GRIK2: variants seen among roughly 807,000 people sequenced by gnomAD.
The protein encoded by GRIK2 is glutamate ionotropic receptor kainate type subunit 2.
GRIK2 carries 32 observed loss-of-function variants against 100.3 expected under a neutral mutation model. The ratio of observed to expected loss-of-function variants is 0.32; its 90% CI spans 0.24 to 0.43. The LOEUF (loss-of-function observed/expected upper bound fraction) is 0.43, where lower values mean the gene tolerates loss of function less well. Ranked by LOEUF, GRIK2 falls within the 20% of genes least tolerant of loss-of-function variation. The pLI is 1.00. For synonymous variants in GRIK2, 417 were observed against 389.4 expected (o/e 1.07, Z -0.83); for missense variants, 843 against 1,114.9 (o/e 0.76, Z 3.47).
chr6:101,743,399 TCAGC>T (rs1583058377), intron 7 of GRIK2, among the ~76,000 whole-genome samples: 2 of 152,212 alleles, frequency 1.3e-5, no homozygotes, highest in Non-Finnish European at 2.9e-5. Context: ...CCTAATCAGG[TCAGC>T]CCTTGTTTTA....
intron 2 of GRIK2, among the ~76,000 whole-genome samples, chr6:101,501,238 A>G (rs1039627841): frequency 6.6e-6 from 1 of 152,148 alleles, no homozygotes; most frequent in African/African-American, 2.4e-5. Flanking sequence ...TAAAAATTCC[A>G]CTAAATAGGG....
chr6:101,633,705 A>G (rs1780875473), intron 4 of GRIK2, among the ~76,000 whole-genome samples: 1 of 152,186 alleles, frequency 6.6e-6, no homozygotes, highest in South Asian at 2.1e-4. Flanking sequence ...CAAGTTAATC[A>G]TTTTAGATTT....
At chr6:101,442,032 TA>T (rs1255552212) in intron 2 of GRIK2, among the ~76,000 whole-genome samples, 1 of 150,570 alleles carries the variant, frequency 6.6e-6, no homozygotes, top group East Asian at 2.0e-4. Flanking sequence ...CTCCAAGAGA[TA>T]AGAGTGGGTG....
intron 2 of GRIK2, among the ~76,000 whole-genome samples, chr6:101,549,942 T>C (rs2128292105): frequency 6.6e-6 from 1 of 152,274 alleles, no homozygotes; most frequent in East Asian, 1.9e-4. Context: ...CCAAGTAGGA[T>C]TTGCACCCAA....
At chr6:101,547,146 G>C (rs947229201) in intron 2 of GRIK2, among the ~76,000 whole-genome samples, 1 of 150,452 alleles carries the variant, frequency 6.6e-6, no homozygotes, top group Non-Finnish European at 1.5e-5. Context: ...TGTTTCTTTA[G>C]CTCATGCCTC....
intron 12 of GRIK2, among the ~76,000 whole-genome samples, chr6:101,923,404 A>G (rs1231233083): frequency 6.6e-6 from 1 of 152,196 alleles, no homozygotes; most frequent in Non-Finnish European, 1.5e-5. Flanking sequence ...CCATTAATTG[A>G]TAAATATATC....
chr6:101,945,541 A>T (rs186872237), intron 14 of GRIK2, among the ~76,000 whole-genome samples: 65 of 152,182 alleles, frequency 4.3e-4, no homozygotes, highest in Admixed American at 9.2e-4. Context: ...CTCCATATCT[A>T]TCGCCAACAC....
chr6:101,618,502 T>G (rs1490655397), intron 2 of GRIK2, among the ~76,000 whole-genome samples: 2 of 151,838 alleles, frequency 1.3e-5, no homozygotes, highest in East Asian at 3.9e-4. Flanking sequence ...GCTTTTTTAA[T>G]TATACTTACC....
intron 2 of GRIK2, among the ~76,000 whole-genome samples, chr6:101,518,526 CAGATAG>C (rs1179148668): frequency 6.6e-6 from 1 of 151,932 alleles, no homozygotes; most frequent in Non-Finnish European, 1.5e-5. Context: ...CTATGTGAAA[CAGATAG>C]TAATATTAGC....
At chr6:102,024,773 A>C (rs1769606633) in intron 14 of GRIK2, among the ~76,000 whole-genome samples, 1 of 151,096 alleles carries the variant, frequency 6.6e-6, no homozygotes, top group Non-Finnish European at 1.5e-5. Context: ...TTTTGCTTTA[A>C]AGCTGGGTCA....
At position 101,700,319 on chromosome 6, in the gene GRIK2, A is replaced by C. The variant is rs1772798734; in HGVS notation, c.951+13966A>C. Among the ~76,000 whole-genome samples the C allele has an allele frequency of 2.0e-5, 3 of 150,962 alleles. No individual in the cohort carries two copies. The South Asian group carries it at 6.2e-4, about 31-fold the overall frequency. On this transcript the variant is annotated intron_variant, in intron 7 of 16. Coordinates refer to ENST00000369134, the MANE Select transcript of GRIK2 (RefSeq NM_021956.5). ...AACGTTATAAAAATTTGACAGTTTG[A>C]TGTTATTGGAAAAGGAATTTGGGGG...
intron 7 of GRIK2, among the ~76,000 whole-genome samples, chr6:101,723,863 T>C (rs1774667120): frequency 1.3e-5 from 2 of 152,034 alleles, no homozygotes; most frequent in Non-Finnish European, 2.9e-5. Flanking sequence ...TTCTCAAAGA[T>C]AATGTTAACA....
chr6:102,031,076 TACACACACACACAC>T lies in GRIK2; in HGVS notation c.2086-4226_2086-4213del, dbSNP rs55900001. On this transcript the variant is annotated intron_variant, in intron 14 of 16. Transcript: ENST00000369134. ...TCAATAATTACCAAGTATTATGCATTACACACACACACACACACACACACACACACACACACACA... is the reference window on the plus strand; with the variant it reads ...TCAATAATTACCAAGTATTATGCATTACACACACACACACACACACACACA... Among the ~76,000 whole-genome samples, 85 of 118,410 alleles carry T rather than the reference TACACACACACACAC, an allele frequency of 7.2e-4. 1 individual carries two copies. Among genetic ancestry groups the T allele is most frequent in the East Asian group, 3.6e-3 (14 of 3,866 alleles). 77.7% of individuals were successfully genotyped at this position (118,410 alleles called of 152,430 possible). A position where few individuals can be genotyped will look rare whatever the true frequency, so the allele number is the denominator to read the frequency against.
chr6:101,704,529 A>G (rs2128354628), intron 7 of GRIK2, among the ~76,000 whole-genome samples: 1 of 151,984 alleles, frequency 6.6e-6, no homozygotes, highest in Non-Finnish European at 1.5e-5. Flanking sequence ...TGTGTACCAT[A>G]CTATTATTCA....
chr6:101,867,155 G>A (rs1582413881), intron 11 of GRIK2, among the ~76,000 whole-genome samples: 1 of 151,910 alleles, frequency 6.6e-6, no homozygotes, highest in Middle Eastern at 3.4e-3. Flanking sequence ...CTCAACTTAA[G>A]TGAAAGCCTG....
intron 10 of GRIK2, among the ~76,000 whole-genome samples, chr6:101,827,679 A>G (rs1782426301): frequency 6.6e-6 from 1 of 151,986 alleles, no homozygotes; most frequent in Non-Finnish European, 1.5e-5. Context: ...ATAGTACAAA[A>G]GTACAAAGAA....
At chr6:101,725,170 G>C (rs1047263424) in intron 7 of GRIK2, among the ~76,000 whole-genome samples, 3 of 152,020 alleles carry the variant, frequency 2.0e-5, no homozygotes, top group Non-Finnish European at 4.4e-5. Context: ...CAGCAAATCT[G>C]TTCCTTCAAA....
intron 10 of GRIK2, among the ~76,000 whole-genome samples, chr6:101,850,213 C>T (rs1481610766): frequency 6.6e-6 from 1 of 151,936 alleles, no homozygotes; most frequent in African/African-American, 2.4e-5. Flanking sequence ...GTAGGGATTT[C>T]AAATTCACCA....
At chr6:101,776,401 A>T in intron 7 of GRIK2, among the ~76,000 whole-genome samples, 1 of 152,194 alleles carries the variant, frequency 6.6e-6, no homozygotes, top group East Asian at 1.9e-4. Flanking sequence ...AGAGTAAATA[A>T]TTATGCAGAG....
Sources: gnomAD v4.1 joint callset for allele counts (sites outside exome capture counted in the v4.1 genomes callset) on GRCh38, gnomAD v4.1.1 for gene constraint, MANE v1.5 for transcripts, NCBI Gene and HGNC (gene_info 2026-07-23, HGNC 2026-07-21) for gene names.